NRG3: variants seen among roughly 807,000 people sequenced by gnomAD.
NRG3 encodes neuregulin 3.
A neutral mutation model predicts 66.9 loss-of-function variants in NRG3; 31 were observed. The ratio of observed to expected loss-of-function variants is 0.46; its 90% confidence interval spans 0.35 to 0.63. The LOEUF (loss-of-function observed/expected upper bound fraction) is 0.63. Among genes scored for constraint, NRG3 ranks in the 20% least tolerant of loss-of-function variants. The pLI is 0.00. For missense variants in NRG3, 910 were observed against 878.9 expected (o/e 1.04, Z -0.45); for synonymous variants, 393 against 359.4 (o/e 1.09, Z -1.06).
intron 2 of NRG3, among the ~76,000 whole-genome samples, chr10:82,733,390 G>A (rs903740760): frequency 6.6e-5 from 10 of 152,006 alleles, no homozygotes; most frequent in African/African-American, 1.9e-4. Context: ...ATTTTTTTGG[G>A]GGGTTGAAAC....
intron 2 of NRG3, among the ~76,000 whole-genome samples, chr10:82,373,874 T>C (rs1246093363): frequency 1.3e-5 from 2 of 152,204 alleles, no homozygotes; most frequent in African/African-American, 4.8e-5. Flanking sequence ...ATTTTAATGA[T>C]ATTAAATAGT....
At chr10:82,482,991 G>T (rs750277187) in intron 2 of NRG3, among the ~76,000 whole-genome samples, 3 of 152,120 alleles carry the variant, frequency 2.0e-5, no homozygotes, top group Non-Finnish European at 4.4e-5. Context: ...CTACAATCTT[G>T]CAAGGATGCA....
chr10:82,310,856 T>C (rs1201450238), intron 1 of NRG3, among the ~76,000 whole-genome samples: 1 of 152,174 alleles, frequency 6.6e-6, no homozygotes, highest in African/African-American at 2.4e-5. Flanking sequence ...TTGTAAGATG[T>C]CATATGTAGG....
intron 1 of NRG3, among the ~76,000 whole-genome samples, chr10:82,105,231 T>A (rs2066986107): frequency 6.6e-6 from 1 of 152,206 alleles, no homozygotes; most frequent in Non-Finnish European, 1.5e-5. Context: ...ATTGGCAGAT[T>A]CAAGTGCAGC....
chr10:82,766,840 C>T (rs1591458244), intron 3 of NRG3, among the ~76,000 whole-genome samples: 1 of 151,552 alleles, frequency 6.6e-6, no homozygotes, highest in African/African-American at 2.4e-5. Context: ...ATCTCTCTTC[C>T]CTAGGCCCTT....
intron 2 of NRG3, among the ~76,000 whole-genome samples, chr10:82,526,490 G>A (rs901436325): frequency 1.1e-4 from 17 of 151,622 alleles, no homozygotes; most frequent in African/African-American, 4.1e-4. Context: ...AGATATATGT[G>A]TTATTTAGAT....
At chr10:82,819,218 A>G (rs1445412358) in intron 3 of NRG3, among the ~76,000 whole-genome samples, 2 of 152,220 alleles carry the variant, frequency 1.3e-5, no homozygotes, top group Non-Finnish European at 2.9e-5. Context: ...CTCTGTCTCA[A>G]CTAATGAGTT....
Position 82,985,229 on chromosome 10 carries a change from G to A in NRG3, c.1715G>A (p.Ser572Asn). The change falls in exon 9 of 9, where the codon AGT becomes AAT. Residue 572 changes from serine (S) to asparagine (N), a missense_variant. Transcript: ENST00000372141. Reference sequence around the variant, plus strand: ...GTGGGCTATTCATCCACAAGGGCCAGTTCTGTGCCCATCATCCCTTCAGTG... The same window carrying A: ...GTGGGCTATTCATCCACAAGGGCCAATTCTGTGCCCATCATCCCTTCAGTG... ...DLVGYSSTRA[S>N]SVPIIPSVGL... The A allele has an allele frequency of 6.2e-7, 1 of 1,614,196 alleles. No individual in the cohort carries two copies. The highest frequency in any genetic ancestry group is 1.1e-5 in the South Asian group (1 of 91,082).
chr10:82,227,558 TG>T (rs1348083529), intron 1 of NRG3, among the ~76,000 whole-genome samples: 8 of 152,240 alleles, frequency 5.3e-5, no homozygotes, highest in African/African-American at 1.9e-4. Context: ...GTATTTGAGG[TG>T]GTACACTGAT....
intron 2 of NRG3, among the ~76,000 whole-genome samples, chr10:82,576,528 G>T (rs762596658): frequency 6.6e-6 from 1 of 151,654 alleles, no homozygotes; most frequent in Non-Finnish European, 1.5e-5. Flanking sequence ...CACAAAAGCA[G>T]GCTGTCACAT....
At chr10:82,034,263 T>A (rs1451754980) in intron 1 of NRG3, among the ~76,000 whole-genome samples, 1 of 152,142 alleles carries the variant, frequency 6.6e-6, no homozygotes, top group Non-Finnish European at 1.5e-5. Context: ...TTAAAGGTTC[T>A]TAAATTTCAG....
At chr10:82,268,862 A>T (rs948564760) in intron 1 of NRG3, among the ~76,000 whole-genome samples, 6 of 152,118 alleles carry the variant, frequency 3.9e-5, no homozygotes, top group African/African-American at 1.4e-4. Context: ...CACGGGTGAC[A>T]CTGCATTATT....
At chr10:82,047,997 A>T (rs2063392818) in intron 1 of NRG3, among the ~76,000 whole-genome samples, 1 of 151,600 alleles carries the variant, frequency 6.6e-6, no homozygotes, top group African/African-American at 2.4e-5. Flanking sequence ...CAAAAGAGAC[A>T]AAGAAGGCCA....
intron 1 of NRG3, among the ~76,000 whole-genome samples, chr10:82,043,913 T>A (rs918332528): frequency 6.6e-6 from 1 of 152,076 alleles, no homozygotes; most frequent in Admixed American, 6.6e-5. Context: ...ATACCAAAGC[T>A]CTTCTAATAT....
Position 82,145,831 on chromosome 10 carries a change from G to GT in NRG3, c.824-212898dup, listed in dbSNP as rs150572325. 2.9e-3 allele frequency among the ~76,000 whole-genome samples: 428 copies of GT among 149,556 alleles called. 2 individuals carry two copies. In the East Asian group the frequency reaches 0.035, roughly 12 times the overall value. ...TTTTCTGGTTATATATCCAGAGGCAGTTTTTTTTTTCCCATATTCATTAGT... is the reference window on the plus strand; with the variant it reads ...TTTTCTGGTTATATATCCAGAGGCAGTTTTTTTTTTTCCCATATTCATTAGT... On this transcript the variant is annotated intron_variant, in intron 1 of 8. Transcript: ENST00000372141.
chr10:82,591,334 A>T (rs184452334), intron 2 of NRG3, among the ~76,000 whole-genome samples: 4 of 152,348 alleles, frequency 2.6e-5, no homozygotes, highest in Admixed American at 1.3e-4. Flanking sequence ...GGAAAAAATG[A>T]TAATGATACA....
intron 6 of NRG3, among the ~76,000 whole-genome samples, chr10:82,963,778 G>A (rs1350788278): frequency 6.6e-6 from 1 of 152,196 alleles, no homozygotes; most frequent in African/African-American, 2.4e-5. Flanking sequence ...TTGAAAATAA[G>A]TGATGAGGCA....
chr10:82,021,786 ATGTGTGTGTGTGTG>A (rs71950373), intron 1 of NRG3, among the ~76,000 whole-genome samples: 32 of 61,074 alleles, frequency 5.2e-4, no homozygotes, highest in African/African-American at 1.3e-3. Flanking sequence ...GGCATGTAGT[ATGTGTGTGTGTGTG>A]TGTGTGTGTG....
intron 1 of NRG3, among the ~76,000 whole-genome samples, chr10:82,257,415 A>T (rs2077788586): frequency 6.6e-6 from 1 of 152,328 alleles, no homozygotes; most frequent in Non-Finnish European, 1.5e-5. Context: ...CATTGAAAAC[A>T]ATTTTAAGGT....
Sources: gnomAD v4.1 joint callset for allele counts (sites outside exome capture counted in the v4.1 genomes callset) on GRCh38, gnomAD v4.1.1 for gene constraint, MANE v1.5 for transcripts, NCBI Gene and HGNC (gene_info 2026-07-23, HGNC 2026-07-21) for gene names.